The following SLC25A46 variants were observed in gnomAD, a reference collection of about 807,000 sequenced individuals.
The protein encoded by SLC25A46 is solute carrier family 25 member 46.
SLC25A46 carries 39 observed loss-of-function variants against 44.6 expected under a neutral mutation model. The observed-to-expected ratio is 0.87, with a 90% confidence interval of 0.68 to 1.14. SLC25A46 has a LOEUF of 1.14. SLC25A46 is among the 50% of genes most tolerant of loss of function. SLC25A46 has a pLI of 0.00. For missense variants in SLC25A46, 547 were observed against 522.7 expected, an observed-to-expected ratio of 1.05 and a Z score of -0.45; for synonymous variants, 202 against 185.8, an observed-to-expected ratio of 1.09 and a Z score of -0.71.
At chr5:110,746,442 A>G (rs1260448340) in intron 4 of SLC25A46, 96 bp downstream of exon 4, 5 of 778,942 alleles carry the variant, frequency 6.4e-6, no homozygotes, top group East Asian at 5.7e-5. Context: ...AGTTTGGTCA[A>G]TAAAACATCT....
chr5:110,738,252 T>C (rs1799415610), upstream of SLC25A46: 2 of 1,286,706 alleles, frequency 1.6e-6, no homozygotes, highest in Non-Finnish European at 2.0e-6. Context: ...AAACAGGTAG[T>C]AGGGGACGCT....
At chr5:110,744,511 G>C (rs1799767742) in intron 3 of SLC25A46, among the ~76,000 whole-genome samples, 1 of 152,090 alleles carries the variant, frequency 6.6e-6, no homozygotes, top group African/African-American at 2.4e-5. Flanking sequence ...AGATCTTCCT[G>C]TTGTTAAAAC....
chr5:110,742,127 A>G, intron 2 of SLC25A46, 38 bp downstream of exon 2: 2 of 1,410,822 alleles, frequency 1.4e-6, no homozygotes, highest in Non-Finnish European at 1.9e-6. Context: ...GCTTTTATTT[A>G]TTGAATTTAG....
At chr5:110,760,522 A>G (rs1800222934) in intron 7 of SLC25A46, among the ~76,000 whole-genome samples, 1 of 152,166 alleles carries the variant, frequency 6.6e-6, no homozygotes, top group Non-Finnish European at 1.5e-5. Context: ...TGGCTACCTT[A>G]TAAATTTCAT....
Position 110,739,199 on chromosome 5 carries a change from C to G in SLC25A46, c.80C>G (p.Ala27Gly). The change falls in exon 1 of 8, where the codon GCC becomes GGC. Residue 27 changes from alanine (A) to glycine (G), a missense_variant. Physicochemically the swap from Ala to Gly is moderately conservative, Grantham distance 60. Coordinates refer to ENST00000355943, the MANE Select transcript of SLC25A46 (RefSeq NM_138773.4). ...CGGGACGAGCAGGGCTTTGGCGGCG[C>G]CTTCCCTGCAAGGTCCTTCAGCACC... ...GARDEQGFGGAFPARSFSTGS... is the reference protein window; with the variant it reads ...GARDEQGFGGGFPARSFSTGS... 6.4e-7 allele frequency: 1 copy of G among 1,561,666 alleles called. No individual in the cohort carries two copies. The highest frequency in any genetic ancestry group is 8.7e-7 in the Non-Finnish European group (1 of 1,153,226).
chr5:110,748,668 A>G (rs950045691), intron 5 of SLC25A46, among the ~76,000 whole-genome samples: 1 of 152,184 alleles, frequency 6.6e-6, no homozygotes, highest in African/African-American at 2.4e-5. Flanking sequence ...CCAGCTGAGG[A>G]ACAAATGTGG....
At chr5:110,741,964 A>G in intron 1 of SLC25A46, 83 bp from the exon 2 acceptor site, 2 of 957,666 alleles carry the variant, frequency 2.1e-6, no homozygotes, top group South Asian at 1.5e-5. Flanking sequence ...AATTTTTTAA[A>G]ATTGTTTTGA....
intron 3 of SLC25A46, 41 bp downstream of exon 3, chr5:110,743,828 A>C: frequency 6.8e-7 from 1 of 1,474,092 alleles, no homozygotes; most frequent in Non-Finnish European, 9.4e-7. Flanking sequence ...AATACTTCTG[A>C]CCCTAATATG....
intron 5 of SLC25A46, among the ~76,000 whole-genome samples, chr5:110,750,702 A>G (rs1225511106): frequency 2.0e-5 from 3 of 152,192 alleles, no homozygotes; most frequent in Non-Finnish European, 4.4e-5. Context: ...TACAGATGCA[A>G]CTATCCCTTT....
chr5:110,752,107 G>T (rs573858464), intron 5 of SLC25A46, among the ~76,000 whole-genome samples: 1 of 152,010 alleles, frequency 6.6e-6, no homozygotes, highest in Non-Finnish European at 1.5e-5. Flanking sequence ...TTTTAATTGC[G>T]TAACATTTAC....
intron 5 of SLC25A46, among the ~76,000 whole-genome samples, chr5:110,751,735 G>T (rs895429960): frequency 2.6e-4 from 39 of 152,126 alleles, no homozygotes; most frequent in African/African-American, 9.4e-4. Context: ...GGTATCTTTT[G>T]AGATAGAGGT....
intron 4 of SLC25A46, 121 bp downstream of exon 4, chr5:110,746,467 A>G: frequency 4.8e-6 from 3 of 622,668 alleles, no homozygotes; most frequent in Non-Finnish European, 8.4e-6. Flanking sequence ...TGTTGTAGTA[A>G]AACTAAAGTA....
At chr5:110,742,175 T>C in intron 2 of SLC25A46, 86 bp downstream of exon 2, 1 of 949,144 alleles carries the variant, frequency 1.1e-6, no homozygotes, top group Non-Finnish European at 1.5e-6. Context: ...TGATTATTAT[T>C]GCTTCCTTTA....
At chr5:110,743,707 A>G (rs1728367794) in intron 2 of SLC25A46, 23 bp from the exon 3 acceptor site, 1 of 1,433,852 alleles carries the variant, frequency 7.0e-7, no homozygotes, top group African/African-American at 1.4e-5. Context: ...AGACATACAT[A>G]TACATAAATT....
rs1561596079 is a variant in SLC25A46, at chr5:110,739,284, G to A, written c.165G>A (p.Leu55=). 2 of 1,575,222 alleles carry A rather than the reference G, an allele frequency of 1.3e-6. No homozygotes were observed. The highest frequency in any genetic ancestry group is 1.3e-5 in the African/African-American group (1 of 74,436). The change falls in exon 1 of 8, where the codon CTG becomes CTA. Residue 55 remains leucine (L), a synonymous_variant. Transcript: ENST00000355943. ...CAGATATCCCCGGCAGCCGCAACCT[G>A]CACTGGGGCGAGAAGAGCCCGCCCT... is the stretch of plus-strand genomic sequence containing the variant. ...TPPDIPGSRN[L]HWGEKSPPYG... is the part of the protein sequence containing the mutation.
intron 4 of SLC25A46, among the ~76,000 whole-genome samples, chr5:110,747,865 G>T (rs1281619145): frequency 6.6e-6 from 1 of 152,140 alleles, no homozygotes; most frequent in Non-Finnish European, 1.5e-5. Context: ...TTGTGGATAT[G>T]TAAGTTTCAA....
intron 1 of SLC25A46, among the ~76,000 whole-genome samples, chr5:110,740,629 T>G (rs974597702): frequency 1.3e-5 from 2 of 152,174 alleles, no homozygotes; most frequent in African/African-American, 4.8e-5. Context: ...TAGCATTTTC[T>G]GTTGCTATTT....
intron 7 of SLC25A46, among the ~76,000 whole-genome samples, chr5:110,760,569 G>A (rs927235283): frequency 6.6e-6 from 1 of 152,114 alleles, no homozygotes; most frequent in African/African-American, 2.4e-5. Context: ...CAGCCAAAGT[G>A]CCTTTTGGCA....
chr5:110,750,193 G>A (rs1467423757), intron 5 of SLC25A46, among the ~76,000 whole-genome samples: 2 of 128,696 alleles, frequency 1.6e-5, no homozygotes, highest in Non-Finnish European at 1.6e-5. Flanking sequence ...TTGCTAAAAC[G>A]TTTGAAACAA....
Sources: gnomAD v4.1 joint callset for allele counts (sites outside exome capture counted in the v4.1 genomes callset) on GRCh38, gnomAD v4.1.1 for gene constraint, MANE v1.5 for transcripts, NCBI Gene and HGNC (gene_info 2026-07-23, HGNC 2026-07-21) for gene names.